SMARCC1: variants seen among roughly 807,000 people sequenced by gnomAD.
The protein encoded by SMARCC1 is SWI/SNF complex subunit SMARCC1.
SMARCC1 carries 43 observed loss-of-function variants against 147.4 expected under a neutral mutation model. That is an observed-to-expected ratio of 0.29 (90% confidence interval 0.23 to 0.38). The LOEUF is 0.38. SMARCC1 is among the 10% of genes least tolerant of loss of function. The probability of loss-of-function intolerance (pLI) is 1.00; values close to 1 mark genes in which losing one functional copy is unlikely to be tolerated. For missense variants in SMARCC1, 1,119 were observed against 1,381.1 expected (o/e 0.81, Z 3.01); for synonymous variants, 495 against 484.4 (o/e 1.02, Z -0.29).
At chr3:47,679,509 C>T (rs978266230) in intron 15 of SMARCC1, among the ~76,000 whole-genome samples, 11 of 152,188 alleles carry the variant, frequency 7.2e-5, no homozygotes, top group Non-Finnish European at 1.5e-5. Context: ...GATAAAGATT[C>T]TATTTTCTCC....
chr3:47,662,723 GT>G (rs1229412234), intron 19 of SMARCC1, 131 bp from the exon 20 acceptor site: 1 of 742,354 alleles, frequency 1.3e-6, no homozygotes, highest in Non-Finnish European at 2.2e-6. Flanking sequence ...AGATTTGATG[GT>G]TTCCTTAGAT....
rs895356857 is a variant in SMARCC1, at chr3:47,595,523, G to A, written c.3044-4686C>T. Among the ~76,000 whole-genome samples the A allele has an allele frequency of 6.1e-5, 8 of 132,038 alleles. No individual in the cohort carries two copies. In the South Asian group the frequency reaches 1.1e-3, roughly 18 times the overall value. 86.6% of individuals were successfully genotyped at this position (132,038 alleles called of 152,430 possible). On this transcript the variant is annotated intron_variant, in intron 26 of 27. Transcript: ENST00000254480. Reference sequence around the variant, plus strand: ...GCCTGGGCAACAAGAGTGAAATTCCGTCTCAAAATAAATAAATAAATAAAA... The same window carrying A: ...GCCTGGGCAACAAGAGTGAAATTCCATCTCAAAATAAATAAATAAATAAAA...
intron 7 of SMARCC1, among the ~76,000 whole-genome samples, chr3:47,718,238 A>G (rs2034183603): frequency 6.6e-6 from 1 of 150,802 alleles, no homozygotes. Flanking sequence ...TGAGGTCAGG[A>G]GTTTGAAACC....
chr3:47,723,542 A>C (rs1433905308), intron 6 of SMARCC1, among the ~76,000 whole-genome samples: 1 of 151,998 alleles, frequency 6.6e-6, no homozygotes, highest in Non-Finnish European at 1.5e-5. Flanking sequence ...GGCCAGGCAC[A>C]GTGGCTCACA....
chr3:47,676,610 A>G lies in SMARCC1; in HGVS notation c.1725+19T>C, dbSNP rs200783315. On this transcript the variant is annotated intron_variant, in intron 17 of 27. Transcript: ENST00000254480. Reference sequence around the variant, plus strand: ...ATTTGTTACTATCCAGGTCTGATGAAAAGTCAACATTAATTTACCTGAGGT... The same window carrying G: ...ATTTGTTACTATCCAGGTCTGATGAGAAGTCAACATTAATTTACCTGAGGT... The G allele has an allele frequency of 2.9e-5, 46 of 1,608,846 alleles. 1 individual carries two copies. In the African/African-American group the frequency reaches 4.9e-4, roughly 17 times the overall value.
At chr3:47,674,304 A>G (rs1291541145) in intron 18 of SMARCC1, among the ~76,000 whole-genome samples, 9 of 152,190 alleles carry the variant, frequency 5.9e-5, no homozygotes, top group Non-Finnish European at 1.2e-4. Context: ...TGCTGAAGAC[A>G]TTCCTTTACT....
intron 3 of SMARCC1, among the ~76,000 whole-genome samples, chr3:47,740,249 G>A (rs963048694): frequency 3.1e-5 from 4 of 129,936 alleles, no homozygotes; most frequent in Non-Finnish European, 6.3e-5. Context: ...AGACTGGAGT[G>A]CAATGGGGCG....
At chr3:47,731,267 A>T (rs1301567073) in intron 5 of SMARCC1, among the ~76,000 whole-genome samples, 1 of 152,202 alleles carries the variant, frequency 6.6e-6, no homozygotes. Context: ...CATCTGTTCA[A>T]GTTTTGTCAT....
At chr3:47,746,119 C>A (rs923144612) in intron 2 of SMARCC1, 126 bp from the exon 3 acceptor site, 1 of 569,906 alleles carries the variant, frequency 1.8e-6, no homozygotes, top group Admixed American at 3.7e-5. Context: ...CCTTAAACAT[C>A]TTCTTGAATA....
intron 21 of SMARCC1, among the ~76,000 whole-genome samples, chr3:47,660,444 T>TAAAAA (rs71070206): frequency 1.5e-5 from 1 of 67,356 alleles, no homozygotes; most frequent in Non-Finnish European, 2.7e-5. Flanking sequence ...AGACTCTGTC[T>TAAAAA]AAAAAAAAAA....
chr3:47,670,946 A>G (rs1285644681), intron 18 of SMARCC1, among the ~76,000 whole-genome samples: 1 of 151,982 alleles, frequency 6.6e-6, no homozygotes, highest in Non-Finnish European at 1.5e-5. Context: ...AGCCCTTGGG[A>G]GGGCAAGGTG....
intron 6 of SMARCC1, among the ~76,000 whole-genome samples, chr3:47,727,947 C>T (rs977886468): frequency 1.4e-4 from 21 of 151,852 alleles, no homozygotes; most frequent in African/African-American, 2.2e-4. Context: ...GCAATGGCTA[C>T]GCAAAGGCAC....
At chr3:47,633,062 C>A (rs1193182499) in intron 24 of SMARCC1, among the ~76,000 whole-genome samples, 2 of 151,692 alleles carry the variant, frequency 1.3e-5, no homozygotes, top group African/African-American at 4.8e-5. Context: ...TAAGAGGAAG[C>A]TTCTGGAGGG....
rs1044672961 is a variant in SMARCC1 at position 47,675,353 on chromosome 3, G to C, written c.1839+122C>G. The C allele has an allele frequency of 9.8e-5, 53 of 541,408 alleles. No homozygotes were observed. In the African/African-American group the frequency reaches 9.9e-4, roughly 10 times the overall value. The allele number at this position is 541,408 out of a possible 1,614,324, so 33.5% of individuals were successfully genotyped here. On this transcript the variant is annotated intron_variant, in intron 18 of 27. Transcript: ENST00000254480. ...TACTAAGTCATATAGGAATATAAAA[G>C]GTAAGATAAATCATAATTGTTTTTA...
chr3:47,587,136 C>A lies in SMARCC1; in HGVS notation c.*1073G>T, dbSNP rs986634018. 6.6e-6 allele frequency: 1 copy of A among 152,616 alleles called. No individual in the cohort carries two copies. The highest frequency in any genetic ancestry group is 2.4e-5 in the African/African-American group (1 of 41,444). The allele number at this position is 152,616 out of a possible 1,614,324, so 9.5% of individuals were successfully genotyped here. ...TTAAAAGTACCGGTTGACGAAATTC[C>A]ACTCCCTGGCTACTGTAACAAGAGG... On this transcript the variant is annotated 3_prime_UTR_variant, in exon 28 of 28. Transcript: ENST00000254480.
In SMARCC1 at chr3:47,655,988, G is replaced by A. The variant is rs559648481; in HGVS notation, c.2320+5306C>T. ...AGCACTTTGGGAGGCCGAGACGGGC[G>A]GATCACAAGGTCAGGAGTTCGAGAC... On this transcript the variant is annotated intron_variant, in intron 21 of 27. Coordinates refer to ENST00000254480, the MANE Select transcript of SMARCC1 (RefSeq NM_003074.4). 7.9e-4 allele frequency among the ~76,000 whole-genome samples: 120 copies of A among 152,054 alleles called. 1 individual carries two copies. The highest frequency in any genetic ancestry group is 6.2e-4 in the Non-Finnish European group (42 of 67,962).
intron 26 of SMARCC1, among the ~76,000 whole-genome samples, chr3:47,599,204 T>G (rs2032347340): frequency 6.6e-6 from 1 of 152,148 alleles, no homozygotes; most frequent in African/African-American, 2.4e-5. Flanking sequence ...CTAGCCAACA[T>G]GGTGAAACCC....
chr3:47,682,634 A>G (rs545837532), intron 14 of SMARCC1, among the ~76,000 whole-genome samples: 10 of 152,302 alleles, frequency 6.6e-5, no homozygotes, highest in Admixed American at 5.2e-4. Flanking sequence ...ACGAGTTTTA[A>G]AGTTTGTCAA....
chr3:47,698,211 A>G (rs2033877322), intron 11 of SMARCC1, among the ~76,000 whole-genome samples: 1 of 151,958 alleles, frequency 6.6e-6, no homozygotes, highest in South Asian at 2.1e-4. Flanking sequence ...TTAACTGATT[A>G]AAAGGAGAAA....
Sources: allele counts gnomAD v4.1 joint callset (sites outside exome capture counted in the v4.1 genomes callset), GRCh38; gene constraint gnomAD v4.1.1; transcripts MANE v1.5; gene names NCBI Gene and HGNC (gene_info 2026-07-23, HGNC 2026-07-21).